Variants in IL18RAP observed in about 807,000 individuals in gnomAD.
IL18RAP encodes interleukin-18 receptor accessory protein.
In IL18RAP, 37 loss-of-function variants were observed where a neutral mutation model predicts 58.1. The ratio of observed to expected loss-of-function variants is 0.64; its 90% confidence interval spans 0.49 to 0.84. The LOEUF is 0.84. Among genes scored for constraint, IL18RAP ranks in the 40% least tolerant of loss-of-function variants. IL18RAP has a pLI of 0.00. For synonymous variants in IL18RAP, 268 were observed against 257.5 expected (o/e 1.04, Z -0.39); for missense variants, 667 against 704.8 (o/e 0.95, Z 0.61).
At chr2:102,434,949 G>A (rs527723046) in intron 3 of IL18RAP, 3 of 152,180 alleles carry the variant, frequency 2.0e-5, no homozygotes, top group South Asian at 4.1e-4. Flanking sequence ...ACTAGAAATT[G>A]ACATCTAGCC....
rs1683816949 is a variant in IL18RAP, at chr2:102,452,202, C to G, written c.*21C>G. 1.3e-6 allele frequency: 2 copies of G among 1,564,764 alleles called. No homozygotes were observed. Among genetic ancestry groups the G allele is most frequent in the South Asian group, 2.4e-5 (2 of 82,586 alleles). On this transcript the variant is annotated 3_prime_UTR_variant, in exon 10 of 10. Transcript: ENST00000687160. ...GGTGAAATGAGCCCTGGAGCCCCCT[C>G]CAGTCCAGTCCCTGGGATAGAGATG...
intron 6 of IL18RAP, among the ~76,000 whole-genome samples, chr2:102,444,420 G>T (rs746713589): frequency 6.6e-6 from 1 of 152,116 alleles, no homozygotes; most frequent in Non-Finnish European, 1.5e-5. Flanking sequence ...ATAATCTATG[G>T]ATAATAGCCT....
intron 7 of IL18RAP, among the ~76,000 whole-genome samples, chr2:102,446,116 T>A (rs1176048220): frequency 6.6e-6 from 1 of 152,088 alleles, no homozygotes; most frequent in Admixed American, 6.5e-5. Flanking sequence ...GGAATGATAA[T>A]ACAGGAAAAT....
chr2:102,443,456 T>G, intron 6 of IL18RAP, 133 bp downstream of exon 6: 1 of 960,770 alleles, frequency 1.0e-6, no homozygotes. Context: ...AGCACAAAAA[T>G]GCAAAGTGCA....
intron 5 of IL18RAP, among the ~76,000 whole-genome samples, chr2:102,442,328 A>G (rs1173050714): frequency 2.0e-5 from 3 of 151,874 alleles, no homozygotes; most frequent in Non-Finnish European, 4.4e-5. Context: ...TATACTTTCT[A>G]AAATGCTACT....
chr2:102,419,893 C>G (rs1681463107), upstream of IL18RAP: 1 of 152,234 alleles, frequency 6.6e-6, no homozygotes, highest in African/African-American at 2.4e-5. Flanking sequence ...CCCCGCTTCA[C>G]TTTACAGAAA....
At chr2:102,445,418 T>C in intron 7 of IL18RAP, 78 bp downstream of exon 7, 1 of 1,381,444 alleles carries the variant, frequency 7.2e-7, no homozygotes, top group Non-Finnish European at 1.0e-6. Flanking sequence ...AGAATAGTAA[T>C]AATGATGACA....
At position 102,424,227 on chromosome 2, in the gene IL18RAP, C is replaced by G. The variant is rs760140634; in HGVS notation, c.396-4C>G. The G allele has an allele frequency of 1.9e-6, 3 of 1,613,166 alleles. No homozygotes were observed. The South Asian group carries it at 3.3e-5, about 18-fold the overall frequency. The stretch of plus-strand genomic sequence containing the variant: ...ATGTTCACAGGATCTTGTTAATTTC[C>G]TAGGAGCCCCTATGATGTAGCCTGT... On this transcript the variant is annotated splice_polypyrimidine_tract_variant and splice_region_variant and intron_variant, in intron 2 of 9. Coordinates refer to ENST00000687160, the MANE Select transcript of IL18RAP (RefSeq NM_001393487.1).
chr2:102,441,009 AAGAC>A (rs1683070498), intron 4 of IL18RAP, among the ~76,000 whole-genome samples: 1 of 152,200 alleles, frequency 6.6e-6, no homozygotes, highest in African/African-American at 2.4e-5. Context: ...CTTGTGGGAA[AAGAC>A]AGGGATAGGA....
At chr2:102,441,444 G>T in intron 5 of IL18RAP, 67 bp downstream of exon 5, 2 of 1,222,334 alleles carry the variant, frequency 1.6e-6, no homozygotes, top group Non-Finnish European at 1.2e-6. Context: ...TGTGATAGAA[G>T]GAAAACAGCA....
At chr2:102,420,771 C>T (rs1016482990), upstream of IL18RAP, among the ~76,000 whole-genome samples, 1 of 152,158 alleles carries the variant, frequency 6.6e-6, no homozygotes, top group Non-Finnish European at 1.5e-5. Context: ...ACAGTCCAGA[C>T]ATTTTATTTT....
At position 102,452,398 on chromosome 2, in the gene IL18RAP, C is replaced by A; in HGVS notation, c.*217C>A. 4.0e-6 allele frequency: 2 copies of A among 502,954 alleles called. No individual in the cohort carries two copies. Among genetic ancestry groups the A allele is most frequent in the Non-Finnish European group, 7.0e-6 (2 of 287,070 alleles). 31.2% of individuals were successfully genotyped at this position (502,954 alleles called of 1,614,324 possible). On this transcript the variant is annotated 3_prime_UTR_variant, in exon 10 of 10. Transcript: ENST00000687160. ...CTGACGGCGAGTGAATTCTCTAGAC[C>A]TTGGGTACTTTCAGTACACAACACC...
At chr2:102,446,153 G>A (rs1053585828) in intron 7 of IL18RAP, among the ~76,000 whole-genome samples, 5 of 152,096 alleles carry the variant, frequency 3.3e-5, no homozygotes, top group Admixed American at 3.3e-4. Context: ...TGAGAGAGAT[G>A]TAAATGGATT....
chr2:102,421,404 A>G (rs1251353115), upstream of IL18RAP, among the ~76,000 whole-genome samples: 4 of 152,160 alleles, frequency 2.6e-5, no homozygotes, highest in Non-Finnish European at 5.9e-5. Context: ...GCTTCATCAC[A>G]TGGGTGGTGG....
At chr2:102,445,443 T>C (rs752698704) in intron 7 of IL18RAP, 103 bp downstream of exon 7, 251 of 1,225,420 alleles carry the variant, frequency 2.0e-4, no homozygotes, top group Non-Finnish European at 2.7e-4. Flanking sequence ...TTACATTTTC[T>C]AGGTGACAGA....
upstream of IL18RAP, among the ~76,000 whole-genome samples, chr2:102,422,428 G>C (rs1288452487): frequency 6.6e-6 from 1 of 152,182 alleles, no homozygotes; most frequent in East Asian, 1.9e-4. Flanking sequence ...AACAATCCAG[G>C]CTTGTTACAG....
intron 1 of IL18RAP, among the ~76,000 whole-genome samples, chr2:102,423,572 C>T (rs954112096): frequency 5.3e-5 from 8 of 152,092 alleles, no homozygotes; most frequent in African/African-American, 9.7e-5. Flanking sequence ...GATCAGCTGA[C>T]GAGGGATGAG....
In IL18RAP at chr2:102,447,087, C is replaced by A. The variant is rs1041037721; in HGVS notation, c.1090C>A (p.Leu364Met). Residue 364 changes from leucine to methionine, a missense_variant, in exon 8 of 10, where the codon CTG (leucine) becomes ATG (methionine). By Grantham distance (15) the Leu-to-Met change is conservative. Coordinates refer to ENST00000687160, the MANE Select transcript of IL18RAP (RefSeq NM_001393487.1). ...CTCCACAGTGGTGCTCCTGTACATC[C>A]TGCTTGGCACCATCGGGACCCTGGT... is the stretch of plus-strand genomic sequence containing the variant. ...EKRGVVLLYI[L>M]LGTIGTLVAV... 1 of 1,614,062 alleles carries A rather than the reference C, an allele frequency of 6.2e-7. No individual in the cohort carries two copies. The highest frequency in any genetic ancestry group is 8.5e-7 in the Non-Finnish European group (1 of 1,180,000).
At chr2:102,433,631 C>T (rs1573278844) in intron 3 of IL18RAP, among the ~76,000 whole-genome samples, 2 of 152,216 alleles carry the variant, frequency 1.3e-5, no homozygotes, top group Middle Eastern at 3.4e-3. Context: ...CTGCAACCTC[C>T]ACCTCCCAGG....
Sources: allele counts gnomAD v4.1 joint callset (sites outside exome capture counted in the v4.1 genomes callset), GRCh38; gene constraint gnomAD v4.1.1; transcripts MANE v1.5; gene names NCBI Gene and HGNC (gene_info 2026-07-23, HGNC 2026-07-21).